Variants in DNAH10 observed in about 807,000 individuals in gnomAD.
DNAH10 encodes axonemal beta dynein heavy chain 10.
In DNAH10, 348 loss-of-function variants were observed where a neutral mutation model predicts 506.6. That is an observed-to-expected ratio of 0.69 (90% CI 0.63 to 0.75). The LOEUF is 0.75. DNAH10 is among the 30% of genes least tolerant of loss of function. The pLI is 0.00. For synonymous variants in DNAH10, 2,059 were observed against 2,198.6 expected, an observed-to-expected ratio of 0.94 and a Z score of 1.78; for missense variants, 5,179 against 5,787.1, an observed-to-expected ratio of 0.89 and a Z score of 3.41.
rs1489748155 is a variant in DNAH10, at chr12:123,850,282, G to T, written c.6103-606G>T. Among the ~76,000 whole-genome samples, 1 of 151,892 alleles carries T rather than the reference G, an allele frequency of 6.6e-6. No individual in the cohort carries two copies. The highest frequency in any genetic ancestry group is 1.9e-4 in the East Asian group (1 of 5,164). ...CCGGACTCAACCTTCAGCTAAAAAG[G>T]CTAAGAATATAGGGATTTCCGTGGT... On this transcript the variant is annotated intron_variant, in intron 34 of 78. Transcript: ENST00000673944. The surrounding 1 kb of genome is among the most constrained non-coding windows in gnomAD (Gnocchi z 5.5).
intron 50 of DNAH10, among the ~76,000 whole-genome samples, chr12:123,880,734 T>C (rs929685267): frequency 1.3e-5 from 2 of 151,922 alleles, no homozygotes; most frequent in Non-Finnish European, 2.9e-5. Flanking sequence ...ATGTGCCATG[T>C]TGGTGTAGTG....
chr12:123,893,762 C>T lies in DNAH10; in HGVS notation c.9199+326C>T, dbSNP rs116441435. Among the ~76,000 whole-genome samples, 1,233 of 150,074 alleles carry T rather than the reference C, an allele frequency of 8.2e-3. 10 individuals are homozygous for T. The highest frequency in any genetic ancestry group is 0.028 in the African/African-American group (1,155 of 41,252). On this transcript the variant is annotated intron_variant, in intron 53 of 78. Coordinates refer to ENST00000673944, the MANE Select transcript of DNAH10 (RefSeq NM_001372106.1). ...CTTTAGAGCAGAGGTTCCTAATGGGCGGGGCAGGGGCGGGGGAGGTTGTGT... is the reference window on the plus strand; with the variant it reads ...CTTTAGAGCAGAGGTTCCTAATGGGTGGGGCAGGGGCGGGGGAGGTTGTGT...
chr12:123,922,666 T>A lies in DNAH10; in HGVS notation c.11507-1097T>A, dbSNP rs191154769. Among the ~76,000 whole-genome samples the A allele has an allele frequency of 2.5e-3, 377 of 152,302 alleles. 1 individual carries two copies. The highest frequency in any genetic ancestry group is 4.4e-3 in the Non-Finnish European group (299 of 68,018). On this transcript the variant is annotated intron_variant, in intron 65 of 78. Coordinates refer to ENST00000673944, the MANE Select transcript of DNAH10 (RefSeq NM_001372106.1). ...CAGAAGTCCAAAATCAAGGTTTTGGTAGGTTTCGTTTCTCCTTAGGATGCT... is the reference window on the plus strand; with the variant it reads ...CAGAAGTCCAAAATCAAGGTTTTGGAAGGTTTCGTTTCTCCTTAGGATGCT...
In DNAH10 at chr12:123,833,088, A is replaced by G. The variant is rs139198395; in HGVS notation, c.4546-26A>G. On this transcript the variant is annotated intron_variant, in intron 26 of 78. Coordinates refer to ENST00000673944, the MANE Select transcript of DNAH10 (RefSeq NM_001372106.1). ...CGGTCCTTTCAGTTCGTGTGCCTGA[A>G]TCATTCTTTTTCTATTCCTGAACAG... 237 of 1,563,058 alleles carry G rather than the reference A, an allele frequency of 1.5e-4. No individual in the cohort carries two copies. The African/African-American group carries it at 3.0e-3, about 20-fold the overall frequency.
In DNAH10 at chr12:123,926,478, G is replaced by T; in HGVS notation, c.11922-159G>T. 1.3e-6 allele frequency: 1 copy of T among 748,456 alleles called. No individual in the cohort carries two copies. Among genetic ancestry groups the T allele is most frequent in the Non-Finnish European group, 2.1e-6 (1 of 483,982 alleles). 46.4% of individuals were successfully genotyped at this position (748,456 alleles called of 1,614,324 possible). ...CCCATCAGGGTGGGAGACGTGCATA[G>T]AAACTAGAATCTAAAACAGGGAAGA... On this transcript the variant is annotated intron_variant, in intron 68 of 78. Transcript: ENST00000673944. This position sits in a 1 kb window ranked among gnomAD's most constrained non-coding sequence, Gnocchi z 4.1.
chr12:123,866,675 A>G (rs1951825366), intron 41 of DNAH10, among the ~76,000 whole-genome samples: 1 of 152,208 alleles, frequency 6.6e-6, no homozygotes, highest in Admixed American at 6.5e-5. Flanking sequence ...TTGTGTGGGC[A>G]ATATGATTTC....
rs774081889 is a variant in DNAH10 at position 123,830,707 on chromosome 12, T to C, written c.4545+8T>C. The C allele has an allele frequency of 6.2e-7, 1 of 1,602,058 alleles. No individual in the cohort carries two copies. Among genetic ancestry groups the C allele is most frequent in the Admixed American group, 1.7e-5 (1 of 58,342 alleles). ...GAGGTTGCCATTGAGAAGGTAAGACTTCAGTTAAAAACAGGCTGGAGAAAA... is the reference window on the plus strand; with the variant it reads ...GAGGTTGCCATTGAGAAGGTAAGACCTCAGTTAAAAACAGGCTGGAGAAAA... On this transcript the variant is annotated splice_region_variant and intron_variant, in intron 26 of 78. Coordinates refer to ENST00000673944, the MANE Select transcript of DNAH10 (RefSeq NM_001372106.1).
rs561560640 is a variant in DNAH10 at position 123,783,994 on chromosome 12, A to C, written c.1047A>C (p.Ala349=). 3.3e-5 allele frequency: 53 copies of C among 1,614,212 alleles called. No homozygotes were observed. In the East Asian group the frequency reaches 1.1e-3, roughly 33 times the overall value. ...TTGAATTCTGGAGGGAAAGAAATGC[A>C]ACCTTAAGTGCGCTGCATGAACAAA... ...AEIEFWRERN[A]TLSALHEQTK... The change falls in exon 8 of 79, where the codon GCA becomes GCC. Residue 349 remains alanine, a synonymous_variant. Coordinates refer to ENST00000673944, the MANE Select transcript of DNAH10 (RefSeq NM_001372106.1).
At chr12:123,794,241 G>A in intron 12 of DNAH10, 129 bp downstream of exon 12, 1 of 680,048 alleles carries the variant, frequency 1.5e-6, no homozygotes, top group Non-Finnish European at 1.9e-6. Context: ...AAATTAGCAT[G>A]TTACGTAATA....
intron 52 of DNAH10, among the ~76,000 whole-genome samples, chr12:123,888,545 C>T (rs1306684470): frequency 6.6e-6 from 1 of 152,152 alleles, no homozygotes; most frequent in Middle Eastern, 3.2e-3. Flanking sequence ...AGTCACGGGA[C>T]ACCTGGAGCC....
At chr12:123,776,208 CAG>C (rs751074821) in intron 5 of DNAH10, among the ~76,000 whole-genome samples, 26 of 152,058 alleles carry the variant, frequency 1.7e-4, no homozygotes, top group African/African-American at 4.6e-4. Flanking sequence ...AGGCTCCAAT[CAG>C]GGGAGGGAGG....
chr12:123,804,677 AGT>A (rs1160145779), intron 17 of DNAH10, among the ~76,000 whole-genome samples, 154 bp from the exon 18 acceptor site: 1 of 152,116 alleles, frequency 6.6e-6, no homozygotes, highest in Non-Finnish European at 1.5e-5. Context: ...TTTGTTGCTT[AGT>A]GTGTGTTCTG....
Position 123,930,417 on chromosome 12 carries a change from C to A in DNAH10, c.12628C>A (p.Arg4210=). 1 of 1,582,988 alleles carries A rather than the reference C, an allele frequency of 6.3e-7. No homozygotes were observed. Among genetic ancestry groups the A allele is most frequent in the South Asian group, 1.2e-5 (1 of 85,912 alleles). ...YLIGEVMYGG[R]AIDSFDRRIL... is the part of the protein sequence containing the mutation. The stretch of plus-strand genomic sequence containing the variant: ...CTAATTTCAGGTCATGTATGGAGGA[C>A]GGGCCATCGACAGCTTTGATCGCCG... Residue 4210 remains arginine (R), a synonymous_variant, in exon 73 of 79, where the codon CGG becomes AGG. Coordinates refer to ENST00000673944, the MANE Select transcript of DNAH10 (RefSeq NM_001372106.1).
rs1222601051 is a variant in DNAH10 at position 123,838,679 on chromosome 12, A to G, written c.5126A>G (p.His1709Arg). The G allele has an allele frequency of 2.5e-6, 4 of 1,613,644 alleles. No individual in the cohort carries two copies. In the East Asian group the frequency reaches 8.9e-5, roughly 36 times the overall value. Reference protein sequence around the residue: ...GSSDPLCVQEHMIKMYDNIAS... With the variant: ...GSSDPLCVQERMIKMYDNIAS... The stretch of plus-strand genomic sequence containing the variant: ...AGCGACCCACTCTGCGTCCAGGAGC[A>G]CATGATCAAGGTCAGCCCTCTGGGT... Residue 1709 changes from histidine (H) to arginine (R), a missense_variant, in exon 29 of 79, where the codon CAC (histidine) becomes CGC (arginine). Physicochemically the swap from His to Arg is conservative, Grantham distance 29 (BLOSUM62 0). Around this residue, in one of 3 missense-constraint regions of DNAH10, gnomAD observed 4,844 missense variants for 5,430.5 expected, o/e 0.89. Transcript: ENST00000673944.
In DNAH10 at chr12:123,928,860, C is replaced by A. The variant is rs571972729; in HGVS notation, c.12306+273C>A. ...CTACTTTTCATAAACTTCACGGCCC[C>A]CCCCCCCACACACAGCCTGCAGTTC... On this transcript the variant is annotated intron_variant, in intron 70 of 78. Transcript: ENST00000673944. This position sits in a 1 kb window ranked among gnomAD's most constrained non-coding sequence, Gnocchi z 4.9. 13 of 465,716 alleles carry A rather than the reference C, an allele frequency of 2.8e-5. No individual in the cohort carries two copies. Among genetic ancestry groups the A allele is most frequent in the Admixed American group, 4.1e-5 (1 of 24,346 alleles). 28.8% of individuals were successfully genotyped at this position (465,716 alleles called of 1,614,324 possible).
chr12:123,818,990 G>A lies in DNAH10; in HGVS notation c.3821G>A (p.Ser1274Asn), dbSNP rs376223085. The A allele has an allele frequency of 7.5e-6, 12 of 1,607,690 alleles. No individual in the cohort carries two copies. In the South Asian group the frequency reaches 9.0e-5, roughly 12 times the overall value. Residue 1274 changes from serine to asparagine, a missense_variant, in exon 22 of 79, where the codon AGC (serine) becomes AAC (asparagine). This residue lies in a region of DNAH10 where 4,844 missense variants were observed against 5,430.5 expected (regional missense o/e 0.89). Transcript: ENST00000673944. ...AEKELVDKIE[S>N]IWSNLFNDSV... is the part of the protein sequence containing the mutation. ...AAAGAACTGGTTGATAAGATTGAGA[G>A]CATATGGTCCAATCTGTTTAATGAT... is the stretch of plus-strand genomic sequence containing the variant.
At chr12:123,809,667 AAC>A (rs1381135243) in intron 19 of DNAH10, among the ~76,000 whole-genome samples, 1 of 151,976 alleles carries the variant, frequency 6.6e-6, no homozygotes, top group Non-Finnish European at 1.5e-5. Flanking sequence ...CAACAACAAC[AAC>A]AACAACAACA....
Position 123,796,871 on chromosome 12 carries a change from GA to G in DNAH10, c.2163+40del, listed in dbSNP as rs1422748110. The G allele has an allele frequency of 3.5e-6, 5 of 1,420,974 alleles. No homozygotes were observed. In the African/African-American group the frequency reaches 6.1e-5, roughly 17 times the overall value. 88.0% of individuals were successfully genotyped at this position (1,420,974 alleles called of 1,614,324 possible). ...GCTAGAATTGGCTCCTTTTGTATTT[GA>G]TTTTTTTTTTTTTTTTGAGATGGAG... On this transcript the variant is annotated intron_variant, in intron 13 of 78. Coordinates refer to ENST00000673944, the MANE Select transcript of DNAH10 (RefSeq NM_001372106.1).
Position 123,879,336 on chromosome 12 carries a change from C to G in DNAH10, c.8445C>G (p.Ile2815Met). Residue 2815 changes from isoleucine (I) to methionine (M), a missense_variant, in exon 49 of 79, where the codon ATC becomes ATG. By Grantham distance (10) the Ile-to-Met change is conservative. Around this residue, in one of 3 missense-constraint regions of DNAH10, gnomAD observed 4,844 missense variants for 5,430.5 expected, o/e 0.89. Coordinates refer to ENST00000673944, the MANE Select transcript of DNAH10 (RefSeq NM_001372106.1). ...ECLRVFHDRL[I>M]SETDKQLVQQ... ...TGAGAGTCTTCCACGACCGGCTGATCAGTGAAACAGACAAGCAGCTGGTCA... is the reference window on the plus strand; with the variant it reads ...TGAGAGTCTTCCACGACCGGCTGATGAGTGAAACAGACAAGCAGCTGGTCA... 6.4e-7 allele frequency: 1 copy of G among 1,570,610 alleles called. No individual in the cohort carries two copies. Among genetic ancestry groups the G allele is most frequent in the Non-Finnish European group, 8.6e-7 (1 of 1,157,232 alleles).
Sources: allele counts gnomAD v4.1 joint callset (sites outside exome capture counted in the v4.1 genomes callset), GRCh38; gene constraint gnomAD v4.1.1; regional missense constraint gnomAD v4.1.1; non-coding constraint Gnocchi (gnomAD v3.1); transcripts MANE v1.5; gene names NCBI Gene and HGNC (gene_info 2026-07-23, HGNC 2026-07-21).